The following GTSF1 variants were observed in gnomAD, a reference collection of about 807,000 sequenced individuals.
GTSF1 encodes gametocyte-specific factor 1.
Under a neutral mutation model 28.9 loss-of-function variants are expected in GTSF1, and 11 were observed. The observed-to-expected ratio is 0.38, with a 90% CI of 0.24 to 0.63. The LOEUF is 0.63. Among genes scored for constraint, GTSF1 ranks in the 30% least tolerant of loss-of-function variants. GTSF1 has a pLI of 0.56. For synonymous variants in GTSF1, 69 were observed against 65.6 expected (o/e 1.05, Z -0.25); for missense variants, 146 against 201.0 (o/e 0.73, Z 1.66).
At chr12:54,461,836 CA>C (rs1956427797) in intron 6 of GTSF1, among the ~76,000 whole-genome samples, 1 of 152,100 alleles carries the variant, frequency 6.6e-6, no homozygotes, top group Admixed American at 6.6e-5. Context: ...GTAAACCTAG[CA>C]AAAAACATAA....
intron 6 of GTSF1, among the ~76,000 whole-genome samples, chr12:54,461,748 T>C (rs2120745683): frequency 6.6e-6 from 1 of 152,308 alleles, no homozygotes. Context: ...AGACTGCTTT[T>C]TCCTATACAC....
At chr12:54,466,378 A>G (rs972151218) in intron 2 of GTSF1, among the ~76,000 whole-genome samples, 4 of 152,254 alleles carry the variant, frequency 2.6e-5, no homozygotes, top group Admixed American at 2.6e-4. Flanking sequence ...TCACTGGAAG[A>G]GTGGTAAACA....
At chr12:54,468,914 A>C (rs1956558151) in intron 2 of GTSF1, 1 of 152,186 alleles carries the variant, frequency 6.6e-6, no homozygotes, top group African/African-American at 2.4e-5. Flanking sequence ...GTCCATTTCC[A>C]ACACACTCCC....
chr12:54,460,500 G>T, intron 6 of GTSF1, 29 bp from the exon 7 acceptor site: 2 of 1,494,478 alleles, frequency 1.3e-6, no homozygotes, highest in Non-Finnish European at 1.9e-6. Context: ...GGCTATGTCG[G>T]CAGATCAGTA....
chr12:54,464,222 C>T (rs1565659555), intron 3 of GTSF1, among the ~76,000 whole-genome samples: 1 of 152,262 alleles, frequency 6.6e-6, no homozygotes, highest in South Asian at 2.1e-4. Flanking sequence ...TTTTTTACCA[C>T]TTGACTCCAT....
intron 5 of GTSF1, 95 bp downstream of exon 5, chr12:54,462,547 T>C (rs150828579): frequency 6.2e-6 from 6 of 968,184 alleles, no homozygotes; most frequent in Middle Eastern, 2.1e-4. Context: ...CTGAACAACA[T>C]GGTATGTTCA....
intron 7 of GTSF1, chr12:54,459,329 T>A: frequency 6.9e-7 from 1 of 1,441,268 alleles, no homozygotes; most frequent in South Asian, 1.4e-5. Flanking sequence ...TTTTGACATA[T>A]AATTTGGTGA....
At chr12:54,469,398 C>G (rs898097912) in intron 2 of GTSF1, among the ~76,000 whole-genome samples, 1 of 148,360 alleles carries the variant, frequency 6.7e-6, no homozygotes, top group Non-Finnish European at 1.5e-5. Context: ...TTTTAAGAGA[C>G]AGGGTCGGCC....
chr12:54,463,638 G>A (rs557810887), intron 3 of GTSF1, among the ~76,000 whole-genome samples: 4 of 152,132 alleles, frequency 2.6e-5, no homozygotes, highest in Non-Finnish European at 5.9e-5. Flanking sequence ...AGCACAGCCC[G>A]TAATGAGAGA....
chr12:54,465,243 A>AT (rs1223875400), intron 2 of GTSF1, 76 bp from the exon 3 acceptor site: 1 of 947,938 alleles, frequency 1.1e-6, no homozygotes, highest in Non-Finnish European at 1.7e-6. Flanking sequence ...GGCACACTGG[A>AT]TTTTTTCAAG....
At position 54,468,050 on chromosome 12, in the gene GTSF1, C is replaced by T. The variant is rs761285657; in HGVS notation, c.17-2883G>A. Among the ~76,000 whole-genome samples the T allele has an allele frequency of 3.3e-5, 5 of 152,112 alleles. No homozygotes were observed. The East Asian group carries it at 5.8e-4, about 18-fold the overall frequency. On this transcript the variant is annotated intron_variant, in intron 2 of 8. Coordinates refer to ENST00000305879, the MANE Select transcript of GTSF1 (RefSeq NM_144594.3). ...TGCTAGGATTACAGGTGTGAGCCAC[C>T]GCGCCTGGCCCAGTTTTTACTATTA...
At chr12:54,469,344 T>G (rs1485725219) in intron 2 of GTSF1, among the ~76,000 whole-genome samples, 2 of 152,144 alleles carry the variant, frequency 1.3e-5, no homozygotes, top group Non-Finnish European at 1.5e-5. Context: ...CCCAAAGTGT[T>G]GGGATTACGG....
rs911106204 is a variant in GTSF1 at position 54,459,948 on chromosome 12, G to T, written c.487+429C>A. ...TCACCGTTTTAGCCGGGATGGTCTCGATCTCCTGACCTCGTGATCCGCCCG... is the reference window on the plus strand; with the variant it reads ...TCACCGTTTTAGCCGGGATGGTCTCTATCTCCTGACCTCGTGATCCGCCCG... On this transcript the variant is annotated intron_variant, in intron 7 of 8. Transcript: ENST00000305879. Among the ~76,000 whole-genome samples the T allele has an allele frequency of 1.4e-4, 17 of 122,468 alleles. No individual in the cohort carries two copies. The East Asian group carries it at 2.4e-3, about 17-fold the overall frequency. 80.3% of individuals were successfully genotyped at this position (122,468 alleles called of 152,430 possible). A position where few individuals can be genotyped will look rare whatever the true frequency, so the allele number is the denominator to read the frequency against.
chr12:54,463,285 C>G lies in GTSF1; in HGVS notation c.130G>C (p.Val44Leu), dbSNP rs1956453347. The G allele has an allele frequency of 2.5e-6, 4 of 1,613,726 alleles. No homozygotes were observed. The highest frequency in any genetic ancestry group is 3.4e-6 in the Non-Finnish European group (4 of 1,179,786). Residue 44 changes from valine (V) to leucine (L), a missense_variant, in exon 4 of 9, where the codon GTT (valine) becomes CTT (leucine). Val to Leu is a conservative substitution (Grantham distance 32, BLOSUM62 1). Transcript: ENST00000305879. Reference sequence around the variant, plus strand: ...GGACAAGTAGCCAATTTGCTTGCAACATCAGGATGATTCTGTGGAACCAAA... The same window carrying G: ...GGACAAGTAGCCAATTTGCTTGCAAGATCAGGATGATTCTGTGGAACCAAA... The part of the protein sequence containing the change: ...LIKCRKNHPD[V>L]ASKLATCPFN...
chr12:54,460,321 C>G, intron 7 of GTSF1, 56 bp downstream of exon 7: 1 of 1,267,092 alleles, frequency 7.9e-7, no homozygotes. Context: ...TAATCAAGAT[C>G]AACTGTATTT....
At chr12:54,467,369 C>T (rs1022971160) in intron 2 of GTSF1, among the ~76,000 whole-genome samples, 1 of 150,816 alleles carries the variant, frequency 6.6e-6, no homozygotes, top group South Asian at 2.1e-4. Flanking sequence ...GGCTGGAGTG[C>T]AGTTGCACGA....
At chr12:54,472,111 C>T (rs1956602158) in intron 1 of GTSF1, 1 of 151,294 alleles carries the variant, frequency 6.6e-6, no homozygotes, top group African/African-American at 2.4e-5. Context: ...AGCTTTCCTC[C>T]TGGGTTCTTA....
chr12:54,458,949 A>T, intron 8 of GTSF1, 140 bp downstream of exon 8: 1 of 563,898 alleles, frequency 1.8e-6, no homozygotes, highest in Non-Finnish European at 3.2e-6. Flanking sequence ...AACAGAGGCT[A>T]TATACTTAAA....
intron 6 of GTSF1, among the ~76,000 whole-genome samples, chr12:54,460,932 C>T (rs1956411073): frequency 6.6e-6 from 1 of 152,132 alleles, no homozygotes; most frequent in Non-Finnish European, 1.5e-5. Flanking sequence ...ATTTACTGTT[C>T]TCAGTAGTTA....
Sources: allele counts gnomAD v4.1 joint callset (sites outside exome capture counted in the v4.1 genomes callset), GRCh38; gene constraint gnomAD v4.1.1; transcripts MANE v1.5; gene names NCBI Gene and HGNC (gene_info 2026-07-23, HGNC 2026-07-21).